CASK: variants seen among roughly 807,000 people sequenced by gnomAD.
CASK encodes calcium/calmodulin dependent serine protein kinase.
A neutral mutation model predicts 82.9 loss-of-function variants in CASK; 4 were observed. The observed-to-expected ratio is 0.05, with a 90% CI of 0.02 to 0.11. The LOEUF is 0.11. CASK is among the 10% of genes least tolerant of loss of function. The pLI is 1.00. For missense variants in CASK, 358 were observed against 720.9 expected (o/e 0.50, Z 5.76); for synonymous variants, 259 against 253.5 (o/e 1.02, Z -0.20).
In CASK at chrX:41,516,146, C is replaced by T. The variant is rs2064546371; in HGVS notation, c.*4274G>A. 8.9e-6 allele frequency: 1 copy of T among 112,501 alleles called. No individual in the cohort carries two copies. Among genetic ancestry groups the T allele is most frequent in the Non-Finnish European group, 1.9e-5 (1 of 53,303 alleles). 9.3% of individuals were successfully genotyped at this position (112,501 alleles called of 1,213,427 possible). A position where few individuals can be genotyped will look rare whatever the true frequency, so the allele number is the denominator to read the frequency against. On this transcript the variant is annotated 3_prime_UTR_variant, in exon 27 of 27. Transcript: ENST00000378163. ...TGTTTCTGTGGGCTCTGTCTGCCCA[C>T]CTGCTGCACAAAGCAAGGCAGGGGA...
chrX:41,727,846 G>A (rs2068292942), intron 5 of CASK: 1 of 1,187,480 alleles, frequency 8.4e-7, no homozygotes, highest in South Asian at 1.8e-5. Context: ...CATTTTTTAT[G>A]TTCTACACCA....
chrX:41,624,249 GAAGAA>G (rs1184971918), intron 10 of CASK: 4 of 351,095 alleles, frequency 1.1e-5, no homozygotes, highest in Middle Eastern at 4.3e-4. Flanking sequence ...AAATGGAGTG[GAAGAA>G]AAGACAGACG....
intron 1 of CASK, among the ~76,000 whole-genome samples, chrX:41,883,993 C>A (rs1382013865): frequency 1.8e-5 from 2 of 111,902 alleles, no homozygotes; most frequent in African/African-American, 6.5e-5. Flanking sequence ...GATCCAATTA[C>A]CCTCATTGTA....
intron 7 of CASK, among the ~76,000 whole-genome samples, chrX:41,661,870 T>A (rs185301160): frequency 2.6e-3 from 289 of 110,857 alleles, no homozygotes; most frequent in African/African-American, 8.2e-3. Context: ...ACTGACCAGT[T>A]TGAAATGAGG....
In CASK at chrX:41,525,909, C is replaced by T. The variant is rs562156044; in HGVS notation, c.2521-1875G>A. On this transcript the variant is annotated intron_variant, in intron 25 of 26. Transcript: ENST00000378163. ...TCTTGTGGGTTGAGGGAGACTGGTACATTGTATTTATCCATCAAAGTTTTT... is the reference window on the plus strand; with the variant it reads ...TCTTGTGGGTTGAGGGAGACTGGTATATTGTATTTATCCATCAAAGTTTTT... 8.0e-5 allele frequency among the ~76,000 whole-genome samples: 9 copies of T among 111,899 alleles called. No individual in the cohort carries two copies. The South Asian group carries it at 3.4e-3, about 42-fold the overall frequency.
chrX:41,640,878 T>A (rs1453668599), intron 8 of CASK, among the ~76,000 whole-genome samples: 1 of 111,336 alleles, frequency 9.0e-6, no homozygotes, highest in Non-Finnish European at 1.9e-5. Flanking sequence ...AGTCAAAATG[T>A]ATTTTTTTAA....
At chrX:41,636,874 T>A (rs2066563110) in intron 8 of CASK, among the ~76,000 whole-genome samples, 1 of 111,800 alleles carries the variant, frequency 8.9e-6, no homozygotes, top group Admixed American at 9.5e-5. Context: ...TTTTCAGCAA[T>A]AAAGGGCTGA....
intron 1 of CASK, among the ~76,000 whole-genome samples, chrX:41,891,323 T>TG (rs1327116924): frequency 5.3e-3 from 3 of 566 alleles, no homozygotes; most frequent in Admixed American, 0.023. Flanking sequence ...AAAGACTGGG[T>TG]GGGGGGGCGG....
intron 2 of CASK, among the ~76,000 whole-genome samples, chrX:41,813,795 G>A (rs773286920): frequency 0.01 from 1,150 of 111,723 alleles, 14 homozygotes; most frequent in African/African-American, 0.035. Flanking sequence ...TACCATCAGA[G>A]TGAACAGGCA....
chrX:41,713,386 A>G (rs1028869484), intron 5 of CASK, among the ~76,000 whole-genome samples: 1 of 112,336 alleles, frequency 8.9e-6, no homozygotes, highest in Admixed American at 9.4e-5. Context: ...GGGAATGGCC[A>G]GCGTGGTGGA....
At chrX:41,736,931 C>T (rs987504644) in intron 5 of CASK, among the ~76,000 whole-genome samples, 2 of 112,125 alleles carry the variant, frequency 1.8e-5, no homozygotes, top group African/African-American at 6.5e-5. Context: ...ATTTGTCTTT[C>T]TAAAGGTGGC....
chrX:41,696,293 C>T (rs746861548), intron 5 of CASK: 1 of 1,188,755 alleles, frequency 8.4e-7, no homozygotes, highest in East Asian at 3.0e-5. Flanking sequence ...CCATTTTTAA[C>T]TTCATTCTTG....
intron 5 of CASK, among the ~76,000 whole-genome samples, chrX:41,680,153 C>T (rs1297701049): frequency 9.4e-6 from 1 of 106,404 alleles, no homozygotes; most frequent in Non-Finnish European, 1.9e-5. Context: ...CACTGCACTC[C>T]AGCCTGGGTG....
At chrX:41,795,276 C>T (rs1395934770) in intron 2 of CASK, among the ~76,000 whole-genome samples, 1 of 112,284 alleles carries the variant, frequency 8.9e-6, no homozygotes, top group African/African-American at 3.2e-5. Flanking sequence ...ACTTTGAAAT[C>T]ACAGATACTG....
intron 21 of CASK, 78 bp downstream of exon 21, chrX:41,553,636 CTAAAA>C (rs1305484656): frequency 1.9e-5 from 14 of 754,643 alleles, no homozygotes; most frequent in East Asian, 1.0e-4. Context: ...GTTTTACACT[CTAAAA>C]TAATATAAAA....
chrX:41,696,480 C>CA (rs777100443), intron 5 of CASK: 1 of 1,206,448 alleles, frequency 8.3e-7, no homozygotes, highest in South Asian at 1.8e-5. Flanking sequence ...TGTTCCCTAT[C>CA]ATGCCTTTCG....
chrX:41,685,775 G>T (rs933270394), intron 5 of CASK, among the ~76,000 whole-genome samples: 1 of 111,749 alleles, frequency 8.9e-6, no homozygotes, highest in African/African-American at 3.3e-5. Flanking sequence ...GAAGAACTGC[G>T]CCCGGCTTTT....
At chrX:41,897,364 A>T (rs2072287516) in intron 1 of CASK, among the ~76,000 whole-genome samples, 1 of 111,940 alleles carries the variant, frequency 8.9e-6, no homozygotes, top group Admixed American at 9.5e-5. Flanking sequence ...TGAGATGATC[A>T]TATGGTTTTT....
intron 5 of CASK, among the ~76,000 whole-genome samples, chrX:41,702,113 C>T (rs1323245883): frequency 9.0e-5 from 10 of 111,100 alleles, no homozygotes; most frequent in African/African-American, 2.6e-4. Flanking sequence ...TTGCCGGGCA[C>T]GGTGGCTCAC....
Sources: gnomAD v4.1 joint callset for allele counts (sites outside exome capture counted in the v4.1 genomes callset) on GRCh38, gnomAD v4.1.1 for gene constraint, MANE v1.5 for transcripts, NCBI Gene and HGNC (gene_info 2026-07-23, HGNC 2026-07-21) for gene names.